The following HSF2BP variants were observed in gnomAD, a reference collection of about 807,000 sequenced individuals.
The protein encoded by HSF2BP is heat shock factor 2-binding protein.
Under a neutral mutation model 35.0 loss-of-function variants are expected in HSF2BP, and 35 were observed. The ratio of observed to expected loss-of-function variants is 1.00; its 90% CI spans 0.76 to 1.32. The LOEUF is 1.32. HSF2BP is among the 40% of genes most tolerant of loss of function. The pLI is 0.00. For synonymous variants in HSF2BP, 114 were observed against 117.4 expected, an observed-to-expected ratio of 0.97 and a Z score of 0.18; for missense variants, 326 against 321.7, an observed-to-expected ratio of 1.01 and a Z score of -0.10.
At chr21:43,632,372 A>T (rs2082488035) in intron 5 of HSF2BP, among the ~76,000 whole-genome samples, 1 of 45,380 alleles carries the variant, frequency 2.2e-5, no homozygotes, top group Non-Finnish European at 3.8e-5. Flanking sequence ...TCCCACACAC[A>T]CACGCTCCCC....
chr21:43,635,449 G>A (rs376045404), intron 4 of HSF2BP, among the ~76,000 whole-genome samples: 1 of 152,154 alleles, frequency 6.6e-6, no homozygotes, highest in Non-Finnish European at 1.5e-5. Flanking sequence ...TAAACCTACC[G>A]AAATAGAACC....
intron 8 of HSF2BP, among the ~76,000 whole-genome samples, chr21:43,572,909 C>A (rs530810788): frequency 6.6e-5 from 10 of 152,358 alleles, no homozygotes; most frequent in Non-Finnish European, 1.2e-4. Context: ...TCTACTTTCA[C>A]AATGCTAAAC....
At chr21:43,626,066 G>A (rs1320904326) in intron 6 of HSF2BP, among the ~76,000 whole-genome samples, 1 of 152,104 alleles carries the variant, frequency 6.6e-6, no homozygotes, top group Non-Finnish European at 1.5e-5. Flanking sequence ...TTTAAAGGGA[G>A]GGCAATGCAA....
chr21:43,593,936 G>C (rs926337737), intron 7 of HSF2BP, among the ~76,000 whole-genome samples: 1 of 151,976 alleles, frequency 6.6e-6, no homozygotes, highest in Non-Finnish European at 1.5e-5. Flanking sequence ...TCAGATTCAG[G>C]AGGCACAAAA....
At chr21:43,596,164 G>C (rs1486798205) in intron 7 of HSF2BP, among the ~76,000 whole-genome samples, 2 of 151,990 alleles carry the variant, frequency 1.3e-5, no homozygotes, top group Admixed American at 1.3e-4. Flanking sequence ...CCACAATAAT[G>C]GTAGATTTTA....
chr21:43,655,096 T>C (rs928759877), intron 3 of HSF2BP, among the ~76,000 whole-genome samples: 1 of 152,236 alleles, frequency 6.6e-6, no homozygotes, highest in Non-Finnish European at 1.5e-5. Flanking sequence ...AAGACACTCA[T>C]GTTAACTAAC....
At chr21:43,588,973 G>A (rs1407834665) in intron 8 of HSF2BP, among the ~76,000 whole-genome samples, 1 of 152,124 alleles carries the variant, frequency 6.6e-6, no homozygotes, top group Non-Finnish European at 1.5e-5. Context: ...AAGCTAACAA[G>A]CTAGCATGCT....
intron 4 of HSF2BP, among the ~76,000 whole-genome samples, chr21:43,638,698 G>GA (rs1336905296): frequency 6.6e-6 from 1 of 152,162 alleles, no homozygotes; most frequent in Non-Finnish European, 1.5e-5. Context: ...TTTATGAATT[G>GA]AAAGATTCAA....
At chr21:43,653,682 C>T (rs748375321) in intron 3 of HSF2BP, among the ~76,000 whole-genome samples, 1 of 152,030 alleles carries the variant, frequency 6.6e-6, no homozygotes, top group Non-Finnish European at 1.5e-5. Context: ...TGAAGACTTA[C>T]GCAGGTGAAT....
intron 7 of HSF2BP, among the ~76,000 whole-genome samples, chr21:43,613,267 A>G (rs1046467374): frequency 2.6e-5 from 4 of 152,200 alleles, no homozygotes; most frequent in Non-Finnish European, 5.9e-5. Flanking sequence ...CCCACAGCTG[A>G]CCAGCCAGCT....
intron 3 of HSF2BP, among the ~76,000 whole-genome samples, chr21:43,653,339 G>A (rs1467425506): frequency 1.3e-5 from 2 of 152,018 alleles, no homozygotes; most frequent in African/African-American, 4.8e-5. Context: ...CCTCAAGACC[G>A]AATAATCAGC....
At chr21:43,651,204 G>A (rs2082781406) in intron 3 of HSF2BP, among the ~76,000 whole-genome samples, 1 of 152,112 alleles carries the variant, frequency 6.6e-6, no homozygotes, top group South Asian at 2.1e-4. Context: ...ACTCCTATGA[G>A]CCAGTCACAG....
the HSF2BP span, among the ~76,000 whole-genome samples, chr21:43,467,950 ACAC>A: frequency 1.0e-5 from 1 of 95,956 alleles, no homozygotes; most frequent in African/African-American, 4.3e-5. Flanking sequence ...CACACCACAC[ACAC>A]CACACTTACA....
chr21:43,649,295 T>C (rs936381305), intron 3 of HSF2BP, among the ~76,000 whole-genome samples: 7 of 152,022 alleles, frequency 4.6e-5, no homozygotes, highest in Non-Finnish European at 8.8e-5. Flanking sequence ...GAGCCGGGCA[T>C]GATGGCGCGC....
chr21:43,595,053 G>A (rs764882011), intron 7 of HSF2BP, among the ~76,000 whole-genome samples: 1 of 152,158 alleles, frequency 6.6e-6, no homozygotes, highest in African/African-American at 2.4e-5. Context: ...TTGAGGCCAG[G>A]AGTCCAAGAC....
chr21:43,579,051 A>C (rs1241291906), intron 8 of HSF2BP, among the ~76,000 whole-genome samples: 1 of 152,194 alleles, frequency 6.6e-6, no homozygotes, highest in Non-Finnish European at 1.5e-5. Flanking sequence ...AATATTTGAC[A>C]AATGCTAACT....
Position 43,656,751 on chromosome 21 carries a change from C to G in HSF2BP, c.37-14G>C, listed in dbSNP as rs758361343. Reference sequence around the variant, plus strand: ...AGTTCCCATGTGCTAAAAGAACAAGCAGATCTTATTATATTTCTCTTCACA... The same window carrying G: ...AGTTCCCATGTGCTAAAAGAACAAGGAGATCTTATTATATTTCTCTTCACA... On this transcript the variant is annotated splice_polypyrimidine_tract_variant and intron_variant, in intron 2 of 8. Coordinates refer to ENST00000291560, the MANE Select transcript of HSF2BP (RefSeq NM_007031.2). 6.2e-7 allele frequency: 1 copy of G among 1,600,002 alleles called. No homozygotes were observed. Among genetic ancestry groups the G allele is most frequent in the South Asian group, 1.1e-5 (1 of 87,676 alleles).
At chr21:43,600,351 A>G (rs892115134) in intron 7 of HSF2BP, among the ~76,000 whole-genome samples, 1 of 152,270 alleles carries the variant, frequency 6.6e-6, no homozygotes, top group African/African-American at 2.4e-5. Flanking sequence ...TGTGAAGTTC[A>G]CTGCTCAGAA....
chr21:43,625,840 G>A (rs1006793618), intron 6 of HSF2BP, among the ~76,000 whole-genome samples: 9 of 152,132 alleles, frequency 5.9e-5, no homozygotes, highest in Admixed American at 1.3e-4. Flanking sequence ...GAAAACAGCC[G>A]CGCTGAGCTT....
Sources: allele counts gnomAD v4.1 joint callset (sites outside exome capture counted in the v4.1 genomes callset), GRCh38; gene constraint gnomAD v4.1.1; transcripts MANE v1.5; gene names NCBI Gene and HGNC (gene_info 2026-07-23, HGNC 2026-07-21).